The following KLHDC4 variants were observed in gnomAD, a reference collection of about 807,000 sequenced individuals.
The protein encoded by KLHDC4 is kelch domain containing 4, also known as kelch domain-containing protein 4.
Under a neutral mutation model 62.4 loss-of-function variants are expected in KLHDC4, and 90 were observed. The ratio of observed to expected loss-of-function variants is 1.44; its 90% CI spans 1.22 to 1.72. The LOEUF is 1.72. Ranked by LOEUF, KLHDC4 falls within the 40% of genes most tolerant of loss-of-function variation. The pLI is 0.00. For synonymous variants in KLHDC4, 386 were observed against 284.4 expected (o/e 1.36, Z -3.59); for missense variants, 1,025 against 699.7 (o/e 1.47, Z -5.25).
At chr16:87,730,358 T>C (rs1479823075) in intron 6 of KLHDC4, among the ~76,000 whole-genome samples, 194 bp downstream of exon 6, 1 of 152,232 alleles carries the variant, frequency 6.6e-6, no homozygotes, top group Non-Finnish European at 1.5e-5. Context: ...TCAATAGGAA[T>C]ACAGCATGAA....
chr16:87,765,808 C>G lies in KLHDC4; in HGVS notation c.83G>C (p.Arg28Pro). The change falls in exon 1 of 12, where the codon CGC (arginine) becomes CCC (proline). Residue 28 changes from arginine to proline, a missense_variant. By Grantham distance (103) the Arg-to-Pro change is moderately radical (BLOSUM62 -2). Transcript: ENST00000270583. The stretch of plus-strand genomic sequence containing the variant: ...CCCGCTCACCTCCTCCTTCCGCGAG[C>G]GCTTAGACACCTTCTTCTCCATCTT... ...AAKMEKKVSK[R>P]SRKEEEDLEA... 2 of 1,570,098 alleles carry G rather than the reference C, an allele frequency of 1.3e-6. No homozygotes were observed. Among genetic ancestry groups the G allele is most frequent in the Non-Finnish European group, 1.7e-6 (2 of 1,157,324 alleles).
At chr16:87,705,133 G>A (rs944089367), downstream of KLHDC4, among the ~76,000 whole-genome samples, 4 of 152,268 alleles carry the variant, frequency 2.6e-5, no homozygotes, top group Non-Finnish European at 5.9e-5. Flanking sequence ...TCACCACAGC[G>A]AGGAACTGGG....
chr16:87,708,710 G>A (rs1195891680), intron 10 of KLHDC4, among the ~76,000 whole-genome samples: 1 of 152,186 alleles, frequency 6.6e-6, no homozygotes, highest in African/African-American at 2.4e-5. Context: ...GGAGCGGCTG[G>A]CCAACGGGGC....
intron 4 of KLHDC4, among the ~76,000 whole-genome samples, chr16:87,752,017 G>A (rs1360363489): frequency 1.3e-5 from 2 of 148,324 alleles, no homozygotes; most frequent in Admixed American, 6.8e-5. Context: ...ATGAACCCGG[G>A]AGGCGGAGGT....
intron 8 of KLHDC4, 129 bp downstream of exon 8, chr16:87,714,369 G>A (rs555803394): frequency 1.6e-5 from 10 of 630,402 alleles, no homozygotes; most frequent in African/African-American, 8.1e-5. Context: ...GAGCCATCTC[G>A]GCAGGCCCTC....
At chr16:87,754,622 TCTAA>T (rs777934190) in intron 4 of KLHDC4, among the ~76,000 whole-genome samples, 5 of 152,168 alleles carry the variant, frequency 3.3e-5, no homozygotes, top group Non-Finnish European at 4.4e-5. Flanking sequence ...TCTGTGCGAG[TCTAA>T]CTGTCACAGA....
chr16:87,762,657 G>A (rs1237079847), intron 1 of KLHDC4, among the ~76,000 whole-genome samples: 2 of 152,192 alleles, frequency 1.3e-5, no homozygotes, highest in African/African-American at 4.8e-5. Flanking sequence ...GCAAATACCA[G>A]CTGCAGTCTA....
chr16:87,700,628 G>A (rs909962701), exon 1 of KLHDC4: 10 of 222,394 alleles, frequency 4.5e-5, no homozygotes, highest in African/African-American at 2.0e-4. Context: ...GGTGGAGGGA[G>A]GAGGGAGAAC....
rs56153410 is a variant in KLHDC4 at position 87,711,366 on chromosome 16, G to T, written c.913C>A (p.Pro305Thr). 6.2e-7 allele frequency: 1 copy of T among 1,613,842 alleles called. No homozygotes were observed. The highest frequency in any genetic ancestry group is 1.7e-5 in the Admixed American group (1 of 60,034). ...CCGAAGAACAGTGTCTGGTGATTCG[G>T]GGCCATGGCCACGGAAAAGCCAGAC... ...PRSGFSVAMA[P>T]NHQTLFFGGV... Residue 305 changes from proline to threonine, a missense_variant, in exon 9 of 12, where the codon CCG becomes ACG. Physicochemically the swap from Pro to Thr is conservative, Grantham distance 38 (BLOSUM62 -1). Transcript: ENST00000270583.
chr16:87,710,170 C>T (rs1047504775), intron 9 of KLHDC4: 7 of 159,146 alleles, frequency 4.4e-5, no homozygotes, highest in Admixed American at 1.8e-4. Flanking sequence ...CCTCACCAAA[C>T]GTTTTTAAAG....
chr16:87,710,253 T>C (rs2035530876), intron 9 of KLHDC4: 1 of 154,532 alleles, frequency 6.5e-6, no homozygotes, highest in South Asian at 2.0e-4. Context: ...CCTGGCTGCG[T>C]CGCAGGGGTC....
intron 2 of KLHDC4, among the ~76,000 whole-genome samples, chr16:87,761,296 C>T (rs753957700): frequency 5.9e-5 from 9 of 152,150 alleles, no homozygotes; most frequent in Non-Finnish European, 8.8e-5. Context: ...CCATCACATG[C>T]GCCTCATTAA....
chr16:87,716,790 G>C (rs1203553365), intron 7 of KLHDC4, among the ~76,000 whole-genome samples: 1 of 152,168 alleles, frequency 6.6e-6, no homozygotes, highest in African/African-American at 2.4e-5. Flanking sequence ...AAATTAGCCA[G>C]GCACAGTGGC....
At chr16:87,758,631 C>T (rs1251220701) in intron 2 of KLHDC4, among the ~76,000 whole-genome samples, 5 of 152,060 alleles carry the variant, frequency 3.3e-5, no homozygotes, top group Admixed American at 2.6e-4. Flanking sequence ...GAAGAATTGT[C>T]TCGGGCCACG....
chr16:87,706,126 C>A (rs1040676136), downstream of KLHDC4, among the ~76,000 whole-genome samples: 6 of 145,734 alleles, frequency 4.1e-5, no homozygotes, highest in African/African-American at 1.5e-4. Flanking sequence ...AAAGCAAACA[C>A]AAGCTGCAGC....
chr16:87,715,751 G>T (rs1454844225), intron 7 of KLHDC4, among the ~76,000 whole-genome samples: 3 of 152,216 alleles, frequency 2.0e-5, no homozygotes, highest in African/African-American at 4.8e-5. Flanking sequence ...CATCACAGTG[G>T]ATGCTGACAT....
At chr16:87,738,646 C>T (rs1293611886) in intron 5 of KLHDC4, among the ~76,000 whole-genome samples, 1 of 138,218 alleles carries the variant, frequency 7.2e-6, no homozygotes, top group Non-Finnish European at 1.6e-5. Flanking sequence ...TCTCATCCAT[C>T]CACACACCAG....
chr16:87,701,144 G>C (rs545278544), exon 1 of KLHDC4: 4 of 186,026 alleles, frequency 2.2e-5, no homozygotes, highest in Admixed American at 1.1e-4. Flanking sequence ...CACAGCGCGT[G>C]GGGGGTGGGT....
chr16:87,742,515 A>C (rs1391217465), intron 5 of KLHDC4, among the ~76,000 whole-genome samples: 1 of 152,222 alleles, frequency 6.6e-6, no homozygotes, highest in African/African-American at 2.4e-5. Flanking sequence ...GCCTTCCACC[A>C]GTCACAGAGG....
Sources: gnomAD v4.1 joint callset for allele counts (sites outside exome capture counted in the v4.1 genomes callset) on GRCh38, gnomAD v4.1.1 for gene constraint, MANE v1.5 for transcripts, NCBI Gene and HGNC (gene_info 2026-07-23, HGNC 2026-07-21) for gene names.